Variants in DOCK8 observed in about 807,000 individuals in gnomAD.
The protein encoded by DOCK8 is dedicator of cytokinesis protein 8.
A neutral mutation model predicts 245.6 loss-of-function variants in DOCK8; 141 were observed. The observed-to-expected ratio is 0.57, with a 90% CI of 0.50 to 0.66. DOCK8 has a LOEUF of 0.66. Ranked by LOEUF, DOCK8 falls within the 30% of genes least tolerant of loss-of-function variation. The pLI is 0.00. For missense variants in DOCK8, 2,965 were observed against 2,603.4 expected (o/e 1.14, Z -3.02); for synonymous variants, 1,168 against 970.2 (o/e 1.20, Z -3.79).
intron 19 of DOCK8, 21 bp downstream of exon 19, chr9:376,326 T>C: frequency 1.3e-6 from 2 of 1,547,738 alleles, no homozygotes; most frequent in South Asian, 2.2e-5. Context: ...TCAAGGTTAA[T>C]CATGAAGGTA....
intron 40 of DOCK8, among the ~76,000 whole-genome samples, 165 bp downstream of exon 40, chr9:439,553 A>G (rs1371480555): frequency 6.6e-6 from 1 of 152,196 alleles, no homozygotes; most frequent in Admixed American, 6.5e-5. Context: ...TGATGTATGC[A>G]AATTGCATGA....
rs914013684 is a variant in DOCK8 at position 403,865 on chromosome 9, T to C, written c.3235-1053T>C. On this transcript the variant is annotated intron_variant, in intron 26 of 47. Transcript: ENST00000432829. ...AACAGAGCAAGACTCTGTATCTCTC[T>C]CTCTCTCTCTCTCTCTCTCTCTCTC... 4.1e-3 allele frequency among the ~76,000 whole-genome samples: 304 copies of C among 73,760 alleles called. 1 individual carries two copies. The highest frequency in any genetic ancestry group is 5.4e-3 in the Non-Finnish European group (247 of 45,838). 48.4% of individuals were successfully genotyped at this position (73,760 alleles called of 152,430 possible). A position where few individuals can be genotyped will look rare whatever the true frequency, so the allele number is the denominator to read the frequency against.
chr9:217,478 T>TG (rs528249136), intron 1 of DOCK8, among the ~76,000 whole-genome samples: 47 of 152,282 alleles, frequency 3.1e-4, no homozygotes, highest in Admixed American at 1.0e-3. Flanking sequence ...TGAAATCTGA[T>TG]CAAGAAGAGC....
chr9:425,400 C>A (rs142223588), intron 33 of DOCK8, among the ~76,000 whole-genome samples: 3 of 151,874 alleles, frequency 2.0e-5, no homozygotes, highest in Non-Finnish European at 4.4e-5. Flanking sequence ...GGCGCGGTGG[C>A]GGGCGCCTGT....
At chr9:428,714 C>T (rs911523158) in intron 35 of DOCK8, among the ~76,000 whole-genome samples, 1 of 152,158 alleles carries the variant, frequency 6.6e-6, no homozygotes, top group Non-Finnish European at 1.5e-5. Flanking sequence ...AAGTGTGGAC[C>T]TAACTCTAGA....
chr9:383,650 A>AGAT (rs2053822349), intron 22 of DOCK8, among the ~76,000 whole-genome samples: 1 of 140,768 alleles, frequency 7.1e-6, no homozygotes, highest in South Asian at 2.4e-4. Context: ...CAGTGAGCCG[A>AGAT]GATTGCACCA....
intron 4 of DOCK8, 74 bp from the exon 5 acceptor site, chr9:304,507 T>G: frequency 6.3e-7 from 1 of 1,594,326 alleles, no homozygotes; most frequent in Non-Finnish European, 8.6e-7. Context: ...AAGCCATTAC[T>G]TTTATTTTTA....
chr9:349,721 C>T (rs7855636), intron 14 of DOCK8, among the ~76,000 whole-genome samples: 51,060 of 152,024 alleles, frequency 0.34, 10,918 homozygotes, highest in African/African-American at 0.6. Context: ...TTCGTTATCC[C>T]ATTAACAGAT....
At chr9:235,795 C>T (rs576155654) in intron 1 of DOCK8, among the ~76,000 whole-genome samples, 42 of 152,254 alleles carry the variant, frequency 2.8e-4, no homozygotes, top group African/African-American at 7.2e-4. Flanking sequence ...TTCCGGGTGC[C>T]GTCTGTCACC....
At chr9:463,738 T>C in intron 47 of DOCK8, 51 bp downstream of exon 47, 1 of 1,607,302 alleles carries the variant, frequency 6.2e-7, no homozygotes, top group Non-Finnish European at 8.5e-7. Flanking sequence ...GAGCAGCGCA[T>C]GGGGCCTAGC....
intron 1 of DOCK8, among the ~76,000 whole-genome samples, chr9:225,018 T>G (rs560042115): frequency 2.0e-5 from 3 of 152,288 alleles, no homozygotes; most frequent in African/African-American, 7.2e-5. Flanking sequence ...TCCCCTTAGA[T>G]GGGGTATCCA....
chr9:366,802 A>T (rs1398867074), intron 14 of DOCK8, among the ~76,000 whole-genome samples: 8 of 152,120 alleles, frequency 5.3e-5, no homozygotes, highest in African/African-American at 1.9e-4. Context: ...TTTGCAGAGC[A>T]CTAGGGCTCT....
chr9:219,993 CAAAGATAAT>C (rs2046847260), intron 1 of DOCK8, among the ~76,000 whole-genome samples: 1 of 152,160 alleles, frequency 6.6e-6, no homozygotes, highest in Non-Finnish European at 1.5e-5. Flanking sequence ...ATTTTATCTG[CAAAGATAAT>C]ACAAGCATAA....
intron 44 of DOCK8, among the ~76,000 whole-genome samples, chr9:447,852 AGAAGCT>A (rs1477509568): frequency 1.3e-5 from 2 of 152,202 alleles, no homozygotes; most frequent in South Asian, 4.1e-4. Context: ...TGGCTTTCAC[AGAAGCT>A]GAAGAAAGCC....
At chr9:258,215 T>C (rs2047826769) in intron 1 of DOCK8, among the ~76,000 whole-genome samples, 1 of 152,238 alleles carries the variant, frequency 6.6e-6, no homozygotes, top group Non-Finnish European at 1.5e-5. Context: ...TAGCAGAGGC[T>C]GGAAGGCTCT....
Position 328,014 on chromosome 9 carries a change from A to T in DOCK8, c.895-8A>T. The T allele has an allele frequency of 6.2e-7, 1 of 1,613,632 alleles. No homozygotes were observed. The highest frequency in any genetic ancestry group is 8.5e-7 in the Non-Finnish European group (1 of 1,179,542). On this transcript the variant is annotated splice_region_variant and splice_polypyrimidine_tract_variant and intron_variant, in intron 8 of 47. Transcript: ENST00000432829. ...TAACTTATATTTCACTTTGCTGCTC[A>T]TTTACAGATCTCAGAAAATTTTCAC...
intron 1 of DOCK8, among the ~76,000 whole-genome samples, chr9:234,643 C>G (rs969126265): frequency 8.5e-5 from 13 of 152,170 alleles, no homozygotes; most frequent in Admixed American, 3.3e-4. Flanking sequence ...TCATTTCATT[C>G]ATTTCATCTT....
intron 15 of DOCK8, chr9:368,481 T>A: frequency 1.7e-6 from 1 of 596,854 alleles, no homozygotes; most frequent in Non-Finnish European, 3.0e-6. Flanking sequence ...TTGCTGAGTG[T>A]CTTCCATGCA....
At chr9:300,047 G>T (rs1220111690) in intron 4 of DOCK8, among the ~76,000 whole-genome samples, 2 of 151,028 alleles carry the variant, frequency 1.3e-5, no homozygotes, top group Non-Finnish European at 2.9e-5. Flanking sequence ...ATGGCCCATT[G>T]TGGTAAGCCT....
Sources: gnomAD v4.1 joint callset for allele counts (sites outside exome capture counted in the v4.1 genomes callset) on GRCh38, gnomAD v4.1.1 for gene constraint, MANE v1.5 for transcripts, NCBI Gene and HGNC (gene_info 2026-07-23, HGNC 2026-07-21) for gene names.